SV2C: variants seen among roughly 807,000 people sequenced by gnomAD.
SV2C encodes the protein solute carrier family 22 member B3.
In SV2C, 49 loss-of-function variants were observed where a neutral mutation model predicts 79.7. The ratio of observed to expected loss-of-function variants is 0.61; its 90% CI spans 0.49 to 0.78. SV2C has a LOEUF of 0.78. SV2C is among the 30% of genes least tolerant of loss of function. The pLI, the probability that SV2C is intolerant of heterozygous loss-of-function variation, is 0.00. For synonymous variants in SV2C, 334 were observed against 333.2 expected, an observed-to-expected ratio of 1.00 and a Z score of -0.03; for missense variants, 833 against 912.9, an observed-to-expected ratio of 0.91 and a Z score of 1.13.
rs111880562 is a variant in SV2C at position 76,238,983 on chromosome 5, C to T, written c.913+29096C>T. ...TCTGCCCACTGCATTCACAGGTTTT[C>T]GATGAATTTCATTATTTTCAGCCTG... is the stretch of plus-strand genomic sequence containing the variant. On this transcript the variant is annotated intron_variant, in intron 4 of 12. Coordinates refer to ENST00000502798, the MANE Select transcript of SV2C (RefSeq NM_014979.4). Among the ~76,000 whole-genome samples the T allele has an allele frequency of 2.0e-4, 31 of 152,250 alleles. 1 individual carries two copies. Among genetic ancestry groups the T allele is most frequent in the African/African-American group, 2.6e-4 (11 of 41,546 alleles).
the SV2C span, among the ~76,000 whole-genome samples, chr5:75,907,285 T>A: frequency 6.6e-6 from 1 of 152,164 alleles, no homozygotes; most frequent in Admixed American, 6.5e-5. Flanking sequence ...TATTACTTAT[T>A]ACTTAAAGGA....
At chr5:75,971,173 C>A in the SV2C span, among the ~76,000 whole-genome samples, 2 of 152,052 alleles carry the variant, frequency 1.3e-5, no homozygotes, top group African/African-American at 4.8e-5. Context: ...TGGGATGTAT[C>A]TCAAAATAAT....
intron 2 of SV2C, among the ~76,000 whole-genome samples, chr5:76,158,803 C>T (rs929859061): frequency 6.6e-6 from 1 of 151,952 alleles, no homozygotes; most frequent in African/African-American, 2.4e-5. Flanking sequence ...TATTTGAGGC[C>T]AGTATTACCC....
At chr5:75,934,302 C>CTT in the SV2C span, among the ~76,000 whole-genome samples, 254 of 107,824 alleles carry the variant, frequency 2.4e-3, 9 homozygotes, top group East Asian at 0.017. Flanking sequence ...TTCTTTCTTT[C>CTT]TTTTTTTTTT....
chr5:76,243,012 T>TAAAAAAAAAAAAAAAAAAA (rs559052290), intron 4 of SV2C, among the ~76,000 whole-genome samples: 3 of 49,926 alleles, frequency 6.0e-5, no homozygotes, highest in African/African-American at 7.5e-5. Flanking sequence ...AGACCCCATC[T>TAAAAAAAAAAAAAAAAAAA]AAAAAAAAAA....
At chr5:75,907,470 C>T in the SV2C span, among the ~76,000 whole-genome samples, 11 of 152,030 alleles carry the variant, frequency 7.2e-5, no homozygotes, top group East Asian at 5.8e-4. Flanking sequence ...TGGAGCAGCG[C>T]GGTGGGATGG....
At chr5:75,868,011 G>A in the SV2C span, among the ~76,000 whole-genome samples, 1 of 152,136 alleles carries the variant, frequency 6.6e-6, no homozygotes, top group Non-Finnish European at 1.5e-5. Context: ...CAATGAAAAG[G>A]GATGAGAGTT....
chr5:75,935,475 C>T, the SV2C span, among the ~76,000 whole-genome samples: 1 of 151,896 alleles, frequency 6.6e-6, no homozygotes, highest in Non-Finnish European at 1.5e-5. Context: ...GATTTTTTTA[C>T]AAATCATTGC....
the SV2C span, among the ~76,000 whole-genome samples, chr5:76,073,495 ATGTG>A: frequency 2.1e-5 from 2 of 97,412 alleles, no homozygotes; most frequent in African/African-American, 9.0e-5. Flanking sequence ...TGTGGTATGT[ATGTG>A]TGTGTATATA....
intron 4 of SV2C, among the ~76,000 whole-genome samples, chr5:76,270,646 G>A (rs531186688): frequency 6.5e-4 from 99 of 152,328 alleles, no homozygotes; most frequent in African/African-American, 2.2e-3. Context: ...TGTGTATTGC[G>A]TTGGGGCAGG....
chr5:76,087,200 T>C (rs1747226130), intron 1 of SV2C, among the ~76,000 whole-genome samples: 1 of 152,250 alleles, frequency 6.6e-6, no homozygotes, highest in Admixed American at 6.5e-5. Flanking sequence ...TAAAACAATT[T>C]TAGGGATCAA....
At chr5:76,144,260 C>T (rs1378053443) in intron 2 of SV2C, among the ~76,000 whole-genome samples, 5 of 120,394 alleles carry the variant, frequency 4.2e-5, no homozygotes, top group African/African-American at 7.7e-5. Flanking sequence ...CTGTAAAGAC[C>T]GAGCCTGGAA....
At position 76,300,952 on chromosome 5, in the gene SV2C, T is replaced by A. The variant is rs1445818941; in HGVS notation, c.1840+20T>A. 1.2e-6 allele frequency: 2 copies of A among 1,612,894 alleles called. No homozygotes were observed. The highest frequency in any genetic ancestry group is 1.3e-5 in the African/African-American group (1 of 74,904). ...TGCTAGGTATGTACTCAGTTTCATGTCAAATAAAAGAGCTGCCCCTGCAAT... is the reference window on the plus strand; with the variant it reads ...TGCTAGGTATGTACTCAGTTTCATGACAAATAAAAGAGCTGCCCCTGCAAT... On this transcript the variant is annotated intron_variant, in intron 11 of 12. Transcript: ENST00000502798.
chr5:76,089,212 T>C (rs1747293260), intron 1 of SV2C, among the ~76,000 whole-genome samples: 3 of 152,148 alleles, frequency 2.0e-5, no homozygotes. Context: ...CAGTGTGTAT[T>C]GTTCCCCTCC....
chr5:76,289,605 T>C (rs533830126), intron 6 of SV2C, among the ~76,000 whole-genome samples: 44 of 152,336 alleles, frequency 2.9e-4, no homozygotes, highest in Non-Finnish European at 5.0e-4. Context: ...TTATTCCACC[T>C]CCTAAATATC....
the SV2C span, chr5:76,075,855 AT>A: frequency 4.4e-6 from 1 of 225,652 alleles, no homozygotes; most frequent in Admixed American, 4.1e-5. Flanking sequence ...TTCCAAATAG[AT>A]TATTTGCACA....
the SV2C span, among the ~76,000 whole-genome samples, chr5:75,939,462 C>T: frequency 2.8e-4 from 42 of 152,212 alleles, no homozygotes; most frequent in African/African-American, 9.6e-4. Context: ...TAATCTAAAC[C>T]TAATTACCTC....
At chr5:75,979,058 A>C in the SV2C span, among the ~76,000 whole-genome samples, 1 of 152,222 alleles carries the variant, frequency 6.6e-6, no homozygotes, top group African/African-American at 2.4e-5. Context: ...AAGCAAATGA[A>C]AAGCAGAAAA....
rs1227515738 is a variant in SV2C, at chr5:76,329,500, T to A, written c.*3953T>A. ...CAGGTTTTCACCAAAAACTGCTTAG[T>A]TGTCTTTCAAGATACCTTAAGAGAT... On this transcript the variant is annotated 3_prime_UTR_variant, in exon 13 of 13. Transcript: ENST00000502798. 1.3e-5 allele frequency: 2 copies of A among 151,430 alleles called. No homozygotes were observed. Among genetic ancestry groups the A allele is most frequent in the East Asian group, 3.9e-4 (2 of 5,194 alleles). The allele number at this position is 151,430 out of a possible 1,614,324, so 9.4% of individuals were successfully genotyped here. A position where few individuals can be genotyped will look rare whatever the true frequency, so the allele number is the denominator to read the frequency against.
Sources: gnomAD v4.1 joint callset for allele counts (sites outside exome capture counted in the v4.1 genomes callset) on GRCh38, gnomAD v4.1.1 for gene constraint, MANE v1.5 for transcripts, NCBI Gene and HGNC (gene_info 2026-07-23, HGNC 2026-07-21) for gene names.